TSHZ2: variants seen among roughly 807,000 people sequenced by gnomAD.
The protein encoded by TSHZ2 is teashirt homolog 2.
TSHZ2 carries 21 observed loss-of-function variants against 74.4 expected under a neutral mutation model. The observed-to-expected ratio is 0.28, with a 90% confidence interval of 0.20 to 0.41. The LOEUF (loss-of-function observed/expected upper bound fraction) is 0.41, where lower values mean the gene tolerates loss of function less well. Among genes scored for constraint, TSHZ2 ranks in the 10% least tolerant of loss-of-function variants. The probability of loss-of-function intolerance (pLI) is 1.00; values close to 1 mark genes in which losing one functional copy is unlikely to be tolerated. For missense variants in TSHZ2, 1,244 were observed against 1,293.5 expected (o/e 0.96, Z 0.59); for synonymous variants, 540 against 515.3 (o/e 1.05, Z -0.65).
chr20:53,184,923 GCT>G (rs1402652330), intron 1 of TSHZ2, among the ~76,000 whole-genome samples: 1 of 152,128 alleles, frequency 6.6e-6, no homozygotes, highest in Non-Finnish European at 1.5e-5. Context: ...GGCCATGGCT[GCT>G]CTCAAACTCC....
intron 2 of TSHZ2, among the ~76,000 whole-genome samples, chr20:53,308,925 C>G (rs746759624): frequency 2.6e-5 from 4 of 152,124 alleles, no homozygotes; most frequent in Non-Finnish European, 5.9e-5. Context: ...GTTCCTGAGG[C>G]CTTGCATCGG....
At chr20:53,382,522 G>A (rs1369563911) in intron 2 of TSHZ2, among the ~76,000 whole-genome samples, 1 of 152,174 alleles carries the variant, frequency 6.6e-6, no homozygotes, top group African/African-American at 2.4e-5. Context: ...ATGCAACACA[G>A]AGTGAAAACA....
chr20:53,308,513 A>G (rs937503048), intron 2 of TSHZ2, among the ~76,000 whole-genome samples: 1 of 152,166 alleles, frequency 6.6e-6, no homozygotes, highest in Non-Finnish European at 1.5e-5. Flanking sequence ...TGTACCAGCA[A>G]AAGGCCACCG....
At chr20:53,316,239 T>G (rs555391340) in intron 2 of TSHZ2, among the ~76,000 whole-genome samples, 2 of 152,324 alleles carry the variant, frequency 1.3e-5, no homozygotes, top group African/African-American at 4.8e-5. Flanking sequence ...ACTCATCACT[T>G]GGTTCATTGT....
chr20:53,466,849 T>G (rs137878757), intron 2 of TSHZ2, among the ~76,000 whole-genome samples: 7 of 152,364 alleles, frequency 4.6e-5, no homozygotes, highest in Admixed American at 1.3e-4. Flanking sequence ...TGGGTAGTTT[T>G]TCAATCCTTA....
At chr20:53,163,248 C>T (rs1987983931) in intron 1 of TSHZ2, among the ~76,000 whole-genome samples, 1 of 151,872 alleles carries the variant, frequency 6.6e-6, no homozygotes, top group Non-Finnish European at 1.5e-5. Context: ...AGTGGATGGA[C>T]TTACCCTCCT....
At chr20:53,147,564 AAAG>A (rs1427059946) in intron 1 of TSHZ2, among the ~76,000 whole-genome samples, 1 of 152,234 alleles carries the variant, frequency 6.6e-6, no homozygotes, top group Non-Finnish European at 1.5e-5. Flanking sequence ...TATCATTAGA[AAAG>A]AAATTTTTGA....
intron 1 of TSHZ2, among the ~76,000 whole-genome samples, chr20:53,002,901 A>G (rs1449299813): frequency 6.6e-6 from 1 of 152,164 alleles, no homozygotes; most frequent in Non-Finnish European, 1.5e-5. Context: ...ATCACCTTGC[A>G]TTCCCAGGGC....
chr20:53,162,065 C>A (rs1375886347), intron 1 of TSHZ2, among the ~76,000 whole-genome samples: 2 of 152,148 alleles, frequency 1.3e-5, no homozygotes, highest in African/African-American at 4.8e-5. Flanking sequence ...GCCTCCAGTT[C>A]CTGGCTCAAA....
At chr20:53,080,287 T>C (rs1256670377) in intron 1 of TSHZ2, among the ~76,000 whole-genome samples, 3 of 152,200 alleles carry the variant, frequency 2.0e-5, no homozygotes, top group African/African-American at 7.2e-5. Context: ...AATTTCTGCT[T>C]CTTACAGAGT....
At chr20:53,267,759 C>T (rs16997831) in intron 2 of TSHZ2, among the ~76,000 whole-genome samples, 5,332 of 152,360 alleles carry the variant, frequency 0.035, 133 homozygotes, top group Middle Eastern at 0.088. Context: ...CTGACATACT[C>T]ATCAACACTG....
At chr20:53,085,221 C>T (rs759724991) in intron 1 of TSHZ2, among the ~76,000 whole-genome samples, 3 of 151,928 alleles carry the variant, frequency 2.0e-5, no homozygotes, top group Admixed American at 1.3e-4. Context: ...AAAAATCAGC[C>T]GGGCGTGGTG....
intron 1 of TSHZ2, among the ~76,000 whole-genome samples, chr20:53,057,260 T>C (rs1984669799): frequency 6.6e-6 from 1 of 152,198 alleles, no homozygotes; most frequent in Admixed American, 6.5e-5. Flanking sequence ...CTAATACACC[T>C]AGTACCTTGT....
intron 1 of TSHZ2, among the ~76,000 whole-genome samples, chr20:53,007,967 G>A (rs1982707183): frequency 6.6e-6 from 1 of 152,044 alleles, no homozygotes; most frequent in African/African-American, 2.4e-5. Context: ...GTGTAAGGGT[G>A]TCTACCTTGT....
At chr20:53,101,162 T>C (rs1325748674) in intron 1 of TSHZ2, among the ~76,000 whole-genome samples, 5 of 152,164 alleles carry the variant, frequency 3.3e-5, no homozygotes, top group African/African-American at 9.7e-5. Flanking sequence ...GTTCCAAAAA[T>C]CCTAAAAGAG....
chr20:53,142,547 C>T lies in TSHZ2; in HGVS notation c.41-110952C>T, dbSNP rs1251487766. 2.6e-5 allele frequency among the ~76,000 whole-genome samples: 4 copies of T among 152,306 alleles called. No individual in the cohort carries two copies. In the East Asian group the frequency reaches 7.7e-4, roughly 29 times the overall value. ...AAGGAAGATAAGGCCAGAGGATGTT[C>T]TCTAGAGAAAAAGTGGGGCTATGTT... On this transcript the variant is annotated intron_variant, in intron 1 of 2. Transcript: ENST00000371497.
At chr20:53,248,523 G>A (rs778405100) in intron 1 of TSHZ2, among the ~76,000 whole-genome samples, 3 of 152,090 alleles carry the variant, frequency 2.0e-5, no homozygotes, top group Admixed American at 1.3e-4. Context: ...TTTAAATGAA[G>A]AATTCAGGGG....
intron 2 of TSHZ2, among the ~76,000 whole-genome samples, chr20:53,289,481 T>A (rs1261210567): frequency 6.6e-6 from 1 of 152,232 alleles, no homozygotes; most frequent in Non-Finnish European, 1.5e-5. Context: ...ACATCTATTT[T>A]TTTTTATTTT....
At chr20:53,047,973 C>T (rs762770169) in intron 1 of TSHZ2, among the ~76,000 whole-genome samples, 7 of 152,248 alleles carry the variant, frequency 4.6e-5, no homozygotes, top group Middle Eastern at 3.4e-3. Context: ...GAAGGGGAGA[C>T]GGGATGTGGC....
Sources: allele counts gnomAD v4.1 joint callset (sites outside exome capture counted in the v4.1 genomes callset), GRCh38; gene constraint gnomAD v4.1.1; transcripts MANE v1.5; gene names NCBI Gene and HGNC (gene_info 2026-07-23, HGNC 2026-07-21).